Variants in PLEKHS1 observed in about 807,000 individuals in gnomAD.
The protein encoded by PLEKHS1 is pleckstrin homology domain containing S1.
A neutral mutation model predicts 51.0 loss-of-function variants in PLEKHS1; 55 were observed. That is an observed-to-expected ratio of 1.08 (90% CI 0.87 to 1.35). PLEKHS1 has a LOEUF of 1.35. Ranked by LOEUF, PLEKHS1 falls within the 40% of genes most tolerant of loss-of-function variation. The pLI, the probability that PLEKHS1 is intolerant of heterozygous loss-of-function variation, is 0.00. For synonymous variants in PLEKHS1, 153 were observed against 144.8 expected, an observed-to-expected ratio of 1.06 and a Z score of -0.41; for missense variants, 398 against 423.0, an observed-to-expected ratio of 0.94 and a Z score of 0.52.
exon 5 of PLEKHS1, chr10:113,767,355 G>A (rs1235650530): frequency 7.5e-6 from 12 of 1,605,902 alleles, no homozygotes; most frequent in Non-Finnish European, 9.4e-6. Flanking sequence ...AAATTCCAGT[G>A]TAGAAGTTGG....
chr10:113,755,315 G>A lies in PLEKHS1; in HGVS notation c.28+10G>A. 1 of 1,605,540 alleles carries A rather than the reference G, an allele frequency of 6.2e-7. No individual in the cohort carries two copies. The highest frequency in any genetic ancestry group is 8.5e-7 in the Non-Finnish European group (1 of 1,176,798). ...CCTCAGAAGAGTCCAGGTACCCGAG[G>A]GGTATAATCGCAGAAGCAGAAATCT... is the stretch of plus-strand genomic sequence containing the variant. On this transcript the variant is annotated intron_variant, in intron 2 of 11. Transcript: ENST00000361048.
chr10:113,752,448 A>G (rs1853885901), intron 1 of PLEKHS1, among the ~76,000 whole-genome samples: 1 of 152,234 alleles, frequency 6.6e-6, no homozygotes, highest in Non-Finnish European at 1.5e-5. Flanking sequence ...CCATAGAATC[A>G]TAGAATATCT....
chr10:113,767,692 C>G (rs949877761), intron 5 of PLEKHS1, among the ~76,000 whole-genome samples: 1 of 152,160 alleles, frequency 6.6e-6, no homozygotes, highest in African/African-American at 2.4e-5. Context: ...TCCTGGATAA[C>G]TTTGAACAAC....
chr10:113,767,462 C>A, exon 5 of PLEKHS1: 1 of 1,611,730 alleles, frequency 6.2e-7, no homozygotes, highest in East Asian at 2.2e-5. Context: ...GGGAATACTT[C>A]CTCATTGGCC....
intron 11 of PLEKHS1, 161 bp downstream of exon 12, chr10:113,777,420 GGATTCTTTCAT>G (rs1258374081): frequency 1.9e-6 from 3 of 1,609,218 alleles, no homozygotes; most frequent in Non-Finnish European, 1.7e-6. Context: ...GACTCTTTCA[GGATTCTTTCAT>G]ATCAAGTAGC....
At chr10:113,773,352 T>A (rs1358092719) in intron 8 of PLEKHS1, among the ~76,000 whole-genome samples, 1 of 152,202 alleles carries the variant, frequency 6.6e-6, no homozygotes, top group Non-Finnish European at 1.5e-5. Flanking sequence ...GCATCAGTTA[T>A]AGGCCTGGCC....
In PLEKHS1 at chr10:113,768,807, G is replaced by A. The variant is rs7895598; in HGVS notation, c.360-8G>A. The A allele has an allele frequency of 6.8e-4, 1,097 of 1,610,800 alleles. 9 individuals carry two copies. In the African/African-American group the frequency reaches 0.012, roughly 18 times the overall value. On this transcript the variant is annotated splice_polypyrimidine_tract_variant and splice_region_variant and intron_variant, in intron 5 of 11. Coordinates refer to ENST00000361048, the Ensembl canonical transcript of PLEKHS1. Reference sequence around the variant, plus strand: ...ACATGCCAACTGAAAGTTTATTCCTGTCAACAGGGAGAAGATTAAAGACTG... The same window carrying A: ...ACATGCCAACTGAAAGTTTATTCCTATCAACAGGGAGAAGATTAAAGACTG...
intron 8 of PLEKHS1, 143 bp downstream of exon 8, chr10:113,772,232 G>C: frequency 1.2e-6 from 1 of 840,452 alleles, no homozygotes; most frequent in Non-Finnish European, 1.9e-6. Context: ...TCATGGTGCT[G>C]ACACTTGACT....
At chr10:113,780,739 T>C in exon 12 of PLEKHS1, 2 of 1,592,382 alleles carry the variant, frequency 1.3e-6, no homozygotes, top group African/African-American at 2.7e-5. Flanking sequence ...CCAAGAGGAG[T>C]CCGGCCATTA....
exon 3 of PLEKHS1, chr10:113,766,487 G>A (rs1442594067): frequency 6.2e-7 from 1 of 1,602,520 alleles, no homozygotes; most frequent in Admixed American, 1.7e-5. Flanking sequence ...CTTCTCAGCT[G>A]TTCTCCTCTG....
intron 11 of PLEKHS1, chr10:113,777,160 C>T: frequency 1.2e-6 from 2 of 1,612,802 alleles, no homozygotes; most frequent in Non-Finnish European, 8.5e-7. Context: ...GTTTGGGATG[C>T]ATATTTTGCC....
chr10:113,782,690 C>CG (rs1844896073), downstream of PLEKHS1: 2 of 152,606 alleles, frequency 1.3e-5, no homozygotes, highest in African/African-American at 4.8e-5. Flanking sequence ...CTCTGTCTGC[C>CG]ACAAGTGAAA....
intron 2 of PLEKHS1, among the ~76,000 whole-genome samples, chr10:113,762,826 G>T (rs12569731): frequency 0.17 from 25,804 of 151,928 alleles, 2,383 homozygotes; most frequent in East Asian, 0.29. Flanking sequence ...ATCAGTTAAA[G>T]TTGGTTGGTA....
intron 9 of PLEKHS1, among the ~76,000 whole-genome samples, chr10:113,774,536 G>A (rs1443138439): frequency 6.6e-6 from 1 of 152,116 alleles, no homozygotes; most frequent in Non-Finnish European, 1.5e-5. Flanking sequence ...ACATCCTCAG[G>A]ACCTTTTCCG....
intron 2 of PLEKHS1, among the ~76,000 whole-genome samples, chr10:113,761,826 A>G (rs1346930219): frequency 6.6e-6 from 1 of 152,068 alleles, no homozygotes; most frequent in African/African-American, 2.4e-5. Context: ...CAAGAAGAGT[A>G]ATGCTAGCCT....
chr10:113,774,744 G>A (rs1190322973), intron 9 of PLEKHS1, 82 bp from the exon 10 acceptor site: 13 of 1,270,482 alleles, frequency 1.0e-5, no homozygotes, highest in Non-Finnish European at 1.4e-5. Context: ...ATGGCTGTTA[G>A]CTACTTAAAT....
Position 113,780,489 on chromosome 10 carries a change from T to A in PLEKHS1, c.*-113T>A, listed in dbSNP as rs1036151046. On this transcript the variant is annotated intron_variant, in intron 11 of 11. Transcript: ENST00000361048. ...TTCTGGCCCAGATATTACAGTTCAC[T>A]GCAGGACTTTCTTCAATACCAGCTC... 5.0e-6 allele frequency: 5 copies of A among 991,078 alleles called. No homozygotes were observed. In the East Asian group the frequency reaches 1.2e-4, roughly 24 times the overall value. The allele number at this position is 991,078 out of a possible 1,614,324, so 61.4% of individuals were successfully genotyped here. A position where few individuals can be genotyped will look rare whatever the true frequency, so the allele number is the denominator to read the frequency against.
At chr10:113,772,588 G>C (rs1395485863) in intron 8 of PLEKHS1, among the ~76,000 whole-genome samples, 2 of 152,180 alleles carry the variant, frequency 1.3e-5, no homozygotes, top group African/African-American at 4.8e-5. Flanking sequence ...GGTGGCTAAA[G>C]TAATGAGCCT....
chr10:113,766,352 G>A lies in PLEKHS1; in HGVS notation c.29-59G>A, dbSNP rs554312868. ...CAGAGATAAACAGTGTTTTCCAATTGAGGCAGTTCTTTTCAGAAATTTATG... is the reference window on the plus strand; with the variant it reads ...CAGAGATAAACAGTGTTTTCCAATTAAGGCAGTTCTTTTCAGAAATTTATG... On this transcript the variant is annotated intron_variant, in intron 2 of 11. Coordinates refer to ENST00000361048, the Ensembl canonical transcript of PLEKHS1. 25 of 1,027,726 alleles carry A rather than the reference G, an allele frequency of 2.4e-5. No individual in the cohort carries two copies. In the African/African-American group the frequency reaches 3.2e-4, roughly 13 times the overall value. The allele number at this position is 1,027,726 out of a possible 1,614,324, so 63.7% of individuals were successfully genotyped here.
Sources: allele counts gnomAD v4.1 joint callset (sites outside exome capture counted in the v4.1 genomes callset), GRCh38; gene constraint gnomAD v4.1.1; transcripts MANE v1.5; gene names NCBI Gene and HGNC (gene_info 2026-07-23, HGNC 2026-07-21).